The following TTC28 variants were observed in gnomAD, a reference collection of about 807,000 sequenced individuals.
TTC28 encodes the protein tetratricopeptide repeat protein 28.
TTC28 carries 61 observed loss-of-function variants against 198.0 expected under a neutral mutation model. That is an observed-to-expected ratio of 0.31 (90% CI 0.25 to 0.38). The LOEUF is 0.38. Among genes scored for constraint, TTC28 ranks in the 10% least tolerant of loss-of-function variants. The pLI is 1.00. For synonymous variants in TTC28, 1,171 were observed against 1,297.8 expected (o/e 0.90, Z 2.10); for missense variants, 2,678 against 3,164.0 (o/e 0.85, Z 3.69).
At chr22:28,636,565 T>C (rs985849638) in intron 1 of TTC28, among the ~76,000 whole-genome samples, 2 of 152,210 alleles carry the variant, frequency 1.3e-5, no homozygotes, top group Non-Finnish European at 2.9e-5. Context: ...TACTTCAAGA[T>C]AGTAATTTTA....
intron 1 of TTC28, 133 bp from the exon 2 acceptor site, chr22:28,629,963 T>C: frequency 1.3e-6 from 1 of 766,988 alleles, no homozygotes. Flanking sequence ...TGGGGCCTAA[T>C]GGGAGGTGTT....
chr22:28,079,120 G>T (rs117725166), intron 12 of TTC28, among the ~76,000 whole-genome samples: 1 of 152,196 alleles, frequency 6.6e-6, no homozygotes, highest in Non-Finnish European at 1.5e-5. Flanking sequence ...AGACACTTAA[G>T]TGTGTTTGGG....
chr22:28,166,742 C>T (rs923123860), intron 5 of TTC28, among the ~76,000 whole-genome samples: 1 of 152,106 alleles, frequency 6.6e-6, no homozygotes, highest in Non-Finnish European at 1.5e-5. Flanking sequence ...AATTGATACC[C>T]TAACATCACA....
intron 5 of TTC28, among the ~76,000 whole-genome samples, chr22:28,206,082 C>G (rs1926380623): frequency 6.6e-6 from 1 of 151,892 alleles, no homozygotes; most frequent in African/African-American, 2.4e-5. Context: ...AAATTCTGCC[C>G]AAGTCCCCAG....
At chr22:28,298,497 G>T (rs893954312) in intron 3 of TTC28, among the ~76,000 whole-genome samples, 1 of 152,058 alleles carries the variant, frequency 6.6e-6, no homozygotes, top group Non-Finnish European at 1.5e-5. Flanking sequence ...ACCCAGGCTG[G>T]AGTGCAGTGG....
chr22:28,474,783 T>C (rs937466654), intron 2 of TTC28, among the ~76,000 whole-genome samples: 3 of 152,074 alleles, frequency 2.0e-5, no homozygotes, highest in Non-Finnish European at 4.4e-5. Flanking sequence ...TTGCATTAAG[T>C]TTTATTGTAC....
rs1266463764 is a variant in TTC28, at chr22:28,457,040, A to C, written c.382-150397T>G. 3.3e-5 allele frequency among the ~76,000 whole-genome samples: 5 copies of C among 152,346 alleles called. No homozygotes were observed. The East Asian group carries it at 9.6e-4, about 29-fold the overall frequency. ...GTACTGATGCTATGAATTTATTATA[A>C]GTAAGACCACAGAATACATTTCTAT... On this transcript the variant is annotated intron_variant, in intron 2 of 22. Coordinates refer to ENST00000397906, the MANE Select transcript of TTC28 (RefSeq NM_001145418.2).
chr22:28,098,554 C>T, intron 10 of TTC28, among the ~76,000 whole-genome samples: 1 of 144,914 alleles, frequency 6.9e-6, no homozygotes, highest in East Asian at 2.0e-4. Flanking sequence ...TCTATTTAAA[C>T]TTTTTTTTTT....
At chr22:28,471,838 C>G (rs1425415668) in intron 2 of TTC28, among the ~76,000 whole-genome samples, 1 of 152,116 alleles carries the variant, frequency 6.6e-6, no homozygotes, top group Non-Finnish European at 1.5e-5. Flanking sequence ...GTATCAGATA[C>G]AGCTCTTTTG....
At chr22:28,161,027 T>A (rs913138952) in intron 6 of TTC28, among the ~76,000 whole-genome samples, 4 of 152,150 alleles carry the variant, frequency 2.6e-5, no homozygotes, top group African/African-American at 9.7e-5. Flanking sequence ...ATCTTCTAAC[T>A]CAGCCATGAA....
chr22:28,408,109 T>A (rs2047027313), intron 2 of TTC28, among the ~76,000 whole-genome samples: 1 of 152,170 alleles, frequency 6.6e-6, no homozygotes, highest in African/African-American at 2.4e-5. Context: ...TAGAGTAGAC[T>A]TAATTAATAA....
chr22:28,020,292 A>AGCT lies in TTC28; in HGVS notation c.4074-5901_4074-5900insAGC, dbSNP rs1938539076. On this transcript the variant is annotated intron_variant, in intron 13 of 22. Transcript: ENST00000397906. ...CTGACAGCCTAGCTCTCAGCAGAGGATCTTCTCACCTCACTCTGTCTTTAT... is the reference window on the plus strand; with the variant it reads ...CTGACAGCCTAGCTCTCAGCAGAGGAGCTTCTTCTCACCTCACTCTGTCTTTAT... Among the ~76,000 whole-genome samples the AGCT allele has an allele frequency of 5.3e-5, 8 of 152,212 alleles. No homozygotes were observed. The South Asian group carries it at 1.5e-3, about 28-fold the overall frequency.
intron 5 of TTC28, among the ~76,000 whole-genome samples, chr22:28,282,548 A>G (rs1448112231): frequency 1.3e-5 from 2 of 152,212 alleles, no homozygotes; most frequent in Admixed American, 6.5e-5. Flanking sequence ...TTATTTTAAT[A>G]TAACCACATG....
chr22:28,497,402 TAC>T (rs1316876291), intron 2 of TTC28, among the ~76,000 whole-genome samples: 1 of 152,212 alleles, frequency 6.6e-6, no homozygotes, highest in African/African-American at 2.4e-5. Flanking sequence ...GCAAAGCATT[TAC>T]ACAGTCATAA....
intron 2 of TTC28, among the ~76,000 whole-genome samples, chr22:28,402,521 T>C (rs1003668868): frequency 6.6e-6 from 1 of 152,240 alleles, no homozygotes; most frequent in Admixed American, 6.5e-5. Context: ...CTTTCTGGAC[T>C]TCTATACCTT....
intron 5 of TTC28, among the ~76,000 whole-genome samples, chr22:28,295,956 C>A (rs1395234676): frequency 6.6e-6 from 1 of 152,070 alleles, no homozygotes; most frequent in Non-Finnish European, 1.5e-5. Context: ...ATGCATCTGA[C>A]AAAGCTGTTA....
chr22:28,522,297 G>A (rs1294549982), intron 2 of TTC28, among the ~76,000 whole-genome samples: 1 of 152,134 alleles, frequency 6.6e-6, no homozygotes, highest in Non-Finnish European at 1.5e-5. Flanking sequence ...GACCAGCCTG[G>A]CCAACATGAT....
chr22:28,614,002 T>C (rs1351936207), intron 2 of TTC28, among the ~76,000 whole-genome samples: 1 of 152,188 alleles, frequency 6.6e-6, no homozygotes, highest in African/African-American at 2.4e-5. Flanking sequence ...GGAAGTCAAA[T>C]TGTCTCTGTT....
At chr22:28,115,807 A>T (rs899119063) in intron 6 of TTC28, among the ~76,000 whole-genome samples, 2 of 152,200 alleles carry the variant, frequency 1.3e-5, no homozygotes, top group Non-Finnish European at 2.9e-5. Context: ...GTCTTCAGTG[A>T]CATTGAGAGT....
Sources: allele counts gnomAD v4.1 joint callset (sites outside exome capture counted in the v4.1 genomes callset), GRCh38; gene constraint gnomAD v4.1.1; transcripts MANE v1.5; gene names NCBI Gene and HGNC (gene_info 2026-07-23, HGNC 2026-07-21).